The following NMRK1 variants were observed in gnomAD, a reference collection of about 807,000 sequenced individuals.
The protein encoded by NMRK1 is NRK 1.
In NMRK1, 28 loss-of-function variants were observed where a neutral mutation model predicts 29.9. The observed-to-expected ratio is 0.94, with a 90% CI of 0.69 to 1.28. The LOEUF (loss-of-function observed/expected upper bound fraction) is 1.28, where lower values mean the gene tolerates loss of function less well. Ranked by LOEUF, NMRK1 falls within the 50% of genes most tolerant of loss-of-function variation. The pLI is 0.00. For missense variants in NMRK1, 218 were observed against 233.1 expected, an observed-to-expected ratio of 0.94 and a Z score of 0.42; for synonymous variants, 58 against 73.0, an observed-to-expected ratio of 0.79 and a Z score of 1.05.
chr9:75,068,887 T>A, intron 7 of NMRK1, 109 bp downstream of exon 7: 1 of 641,694 alleles, frequency 1.6e-6, no homozygotes. Flanking sequence ...AAGCCCAGAG[T>A]GTTCTTGCTT....
At chr9:75,061,997 A>T (rs980056840) in intron 8 of NMRK1, among the ~76,000 whole-genome samples, 1 of 152,218 alleles carries the variant, frequency 6.6e-6, no homozygotes, top group Non-Finnish European at 1.5e-5. Context: ...TTCAATGATA[A>T]ACCTACCACA....
In NMRK1 at chr9:75,069,081, T is replaced by TGG. The variant is rs758970316; in HGVS notation, c.409_410dup (p.Asp138GlnfsTer16). 2.4e-5 allele frequency: 38 copies of TGG among 1,613,746 alleles called. No individual in the cohort carries two copies. In the African/African-American group the frequency reaches 4.9e-4, roughly 21 times the overall value. ...GGCCATCAAAGTATCCCGGAGAGTCTGGAGGCTGATAGACCCTTGTACTAT... is the reference window on the plus strand; with the variant it reads ...GGCCATCAAAGTATCCCGGAGAGTCTGGGGAGGCTGATAGACCCTTGTACTAT... On this transcript the variant is annotated frameshift_variant, in exon 7 of 9. Transcript: ENST00000361092. LOFTEE classifies it high-confidence loss of function.
At chr9:75,079,506 C>T (rs1824194574) in intron 2 of NMRK1, among the ~76,000 whole-genome samples, 1 of 152,190 alleles carries the variant, frequency 6.6e-6, no homozygotes, top group South Asian at 2.1e-4. Context: ...TAATTAGATC[C>T]TTTCTCACTG....
At chr9:75,066,914 C>T (rs1307421046) in intron 7 of NMRK1, 74 bp from the exon 8 acceptor site, 1 of 812,842 alleles carries the variant, frequency 1.2e-6, no homozygotes, top group Non-Finnish European at 2.0e-6. Flanking sequence ...TGACACCCAA[C>T]ATCTCTTGTA....
Position 75,074,878 on chromosome 9 carries a change from T to C in NMRK1, c.169+2281A>G, listed in dbSNP as rs56168145. ...CATTTACCTAAAATGTTCAAGTTTT[T>C]CCTTAAGATAGATTCCTGATGTGAG... On this transcript the variant is annotated intron_variant, in intron 4 of 8. Coordinates refer to ENST00000361092, the MANE Select transcript of NMRK1 (RefSeq NM_017881.3). Among the ~76,000 whole-genome samples, 1,464 of 152,334 alleles carry C rather than the reference T, an allele frequency of 9.6e-3. 13 individuals are homozygous for C. The highest frequency in any genetic ancestry group is 0.017 in the Non-Finnish European group (1,164 of 68,026).
intron 8 of NMRK1, among the ~76,000 whole-genome samples, chr9:75,061,833 T>C (rs1324360897): frequency 6.6e-6 from 1 of 152,230 alleles, no homozygotes; most frequent in Admixed American, 6.5e-5. Context: ...GAGAATGATA[T>C]AGTTTGAAGA....
At chr9:75,062,441 A>T (rs1823077614) in intron 8 of NMRK1, among the ~76,000 whole-genome samples, 1 of 152,162 alleles carries the variant, frequency 6.6e-6, no homozygotes, top group Non-Finnish European at 1.5e-5. Context: ...CTAAAGGGTC[A>T]ATGTCAAGTC....
chr9:75,069,052 A>G lies in NMRK1; in HGVS notation c.440T>C (p.Val147Ala). ...PDSPGYFDGH[V>A]WPMYLKYRQE... The stretch of plus-strand genomic sequence containing the variant: ...TCTGTACTTTAGATACATGGGCCAC[A>G]CATGGCCATCAAAGTATCCCGGAGA... The change falls in exon 7 of 9, where the codon GTG (valine) becomes GCG (alanine). Residue 147 changes from valine to alanine, a missense_variant. Transcript: ENST00000361092. 6.2e-7 allele frequency: 1 copy of G among 1,614,200 alleles called. No individual in the cohort carries two copies. Among genetic ancestry groups the G allele is most frequent in the Non-Finnish European group, 8.5e-7 (1 of 1,180,004 alleles).
intron 4 of NMRK1, among the ~76,000 whole-genome samples, chr9:75,074,123 C>A (rs1372292222): frequency 4.6e-5 from 7 of 151,744 alleles, no homozygotes; most frequent in Non-Finnish European, 4.4e-5. Flanking sequence ...AGTGGCACAA[C>A]CTTGGCTCAC....
chr9:75,077,961 A>C (rs1306633669), intron 2 of NMRK1, among the ~76,000 whole-genome samples: 3 of 152,174 alleles, frequency 2.0e-5, no homozygotes, highest in African/African-American at 7.2e-5. Flanking sequence ...ATTTTTTAAG[A>C]GGGTATTTAA....
At chr9:75,070,365 C>T (rs1823630350) in intron 4 of NMRK1, among the ~76,000 whole-genome samples, 1 of 152,128 alleles carries the variant, frequency 6.6e-6, no homozygotes, top group Non-Finnish European at 1.5e-5. Context: ...CTCCTGACTA[C>T]ACAAAAATTT....
At chr9:75,077,629 T>A (rs1230756502) in intron 2 of NMRK1, 49 bp from the exon 3 acceptor site, 2 of 1,303,646 alleles carry the variant, frequency 1.5e-6, no homozygotes, top group Non-Finnish European at 2.1e-6. Flanking sequence ...GCATTAAAAA[T>A]CATTAAACAC....
intron 2 of NMRK1, among the ~76,000 whole-genome samples, chr9:75,079,806 C>T (rs1278930969): frequency 2.0e-5 from 3 of 152,058 alleles, no homozygotes; most frequent in Non-Finnish European, 2.9e-5. Flanking sequence ...AGGAAGGCCA[C>T]CCAAAACATG....
In NMRK1 at chr9:75,061,211, T is replaced by C. The variant is rs1823002664; in HGVS notation, c.*337A>G. On this transcript the variant is annotated 3_prime_UTR_variant, in exon 9 of 9. Coordinates refer to ENST00000361092, the MANE Select transcript of NMRK1 (RefSeq NM_017881.3). Reference sequence around the variant, plus strand: ...GAATTCCACAGATATTGGATTGTGATGTAATCTTTATTTCTTACTCTGAGC... The same window carrying C: ...GAATTCCACAGATATTGGATTGTGACGTAATCTTTATTTCTTACTCTGAGC... The C allele has an allele frequency of 7.0e-6, 2 of 283,834 alleles. No individual in the cohort carries two copies. The highest frequency in any genetic ancestry group is 1.3e-5 in the Non-Finnish European group (2 of 151,274). The allele number at this position is 283,834 out of a possible 1,614,324, so 17.6% of individuals were successfully genotyped here.
chr9:75,083,617 G>C (rs749796727), intron 1 of NMRK1, among the ~76,000 whole-genome samples: 1 of 152,192 alleles, frequency 6.6e-6, no homozygotes, highest in African/African-American at 2.4e-5. Flanking sequence ...AGCTAATGCC[G>C]TTTAAAGATA....
rs769762254 is a variant in NMRK1 at position 75,069,059 on chromosome 9, C to T, written c.433G>A (p.Gly145Ser). The T allele has an allele frequency of 6.2e-7, 1 of 1,614,126 alleles. No individual in the cohort carries two copies. The highest frequency in any genetic ancestry group is 8.5e-7 in the Non-Finnish European group (1 of 1,179,978). The change falls in exon 7 of 9, where the codon GGC becomes AGC. Residue 145 changes from glycine to serine, a missense_variant. Physicochemically the swap from Gly to Ser is moderately conservative, Grantham distance 56 (BLOSUM62 0). Transcript: ENST00000361092. ...TTTAGATACATGGGCCACACATGGC[C>T]ATCAAAGTATCCCGGAGAGTCTGGA... ...QPPDSPGYFDGHVWPMYLKYR... is the reference protein window; with the variant it reads ...QPPDSPGYFDSHVWPMYLKYR...
At chr9:75,068,171 T>A (rs1426746566) in intron 7 of NMRK1, among the ~76,000 whole-genome samples, 1 of 152,156 alleles carries the variant, frequency 6.6e-6, no homozygotes, top group East Asian at 1.9e-4. Context: ...ATCACCCAGT[T>A]CTACTGAGTG....
chr9:75,078,782 G>T (rs768653749), intron 2 of NMRK1, among the ~76,000 whole-genome samples: 1 of 152,016 alleles, frequency 6.6e-6, no homozygotes, highest in Admixed American at 6.6e-5. Flanking sequence ...AAGTATCATC[G>T]ATGTTCATTA....
chr9:75,070,169 C>T, intron 4 of NMRK1, 127 bp from the exon 5 acceptor site: 1 of 633,828 alleles, frequency 1.6e-6, no homozygotes, highest in South Asian at 2.4e-5. Context: ...TTCAAAACTC[C>T]TAATAACAAA....
Sources: gnomAD v4.1 joint callset for allele counts (sites outside exome capture counted in the v4.1 genomes callset) on GRCh38, gnomAD v4.1.1 for gene constraint, MANE v1.5 for transcripts, NCBI Gene and HGNC (gene_info 2026-07-23, HGNC 2026-07-21) for gene names.